The following MRPL22 variants were observed in gnomAD, a reference collection of about 807,000 sequenced individuals.
The protein encoded by MRPL22 is mitochondrial ribosomal protein L22.
In MRPL22, 27 loss-of-function variants were observed where a neutral mutation model predicts 32.4. That is an observed-to-expected ratio of 0.83 (90% CI 0.61 to 1.15). The LOEUF (loss-of-function observed/expected upper bound fraction) is 1.15. Among genes scored for constraint, MRPL22 ranks in the 50% most tolerant of loss-of-function variants. The pLI is 0.00. For missense variants in MRPL22, 239 were observed against 260.2 expected, an observed-to-expected ratio of 0.92 and a Z score of 0.56; for synonymous variants, 86 against 87.3, an observed-to-expected ratio of 0.99 and a Z score of 0.08.
At chr5:154,956,506 C>A in intron 4 of MRPL22, 70 bp downstream of exon 4, 1 of 990,716 alleles carries the variant, frequency 1.0e-6, no homozygotes, top group Non-Finnish European at 1.5e-6. Context: ...CCTCCCCACC[C>A]CTCACCCCAG....
Position 154,957,200 on chromosome 5 carries a change from A to C in MRPL22, c.327A>C (p.Lys109Asn). ...AATTCAATGACAAAAAAGGGGCCAA[A>C]ATAATTAAAGAGGTAAACTTACAAG... ...QLEFNDKKGA[K>N]IIKEVLLEAQ... is the part of the protein sequence containing the mutation. Residue 109 changes from lysine (K) to asparagine (N), a missense_variant, in exon 5 of 7, where the codon AAA (lysine) becomes AAC (asparagine). Lys to Asn is a moderately conservative substitution (Grantham distance 94). Coordinates refer to ENST00000523037, the MANE Select transcript of MRPL22 (RefSeq NM_014180.4). 1 of 1,613,250 alleles carries C rather than the reference A, an allele frequency of 6.2e-7. No homozygotes were observed. Among genetic ancestry groups the C allele is most frequent in the Non-Finnish European group, 8.5e-7 (1 of 1,179,228 alleles).
chr5:154,966,152 A>G (rs977743023), intron 6 of MRPL22, among the ~76,000 whole-genome samples: 3 of 152,106 alleles, frequency 2.0e-5, no homozygotes, highest in Non-Finnish European at 4.4e-5. Flanking sequence ...CTTGCTTACT[A>G]TGCTTCAGCA....
At chr5:154,959,469 A>G (rs1561741930) in intron 5 of MRPL22, among the ~76,000 whole-genome samples, 2 of 152,060 alleles carry the variant, frequency 1.3e-5, no homozygotes, top group African/African-American at 4.8e-5. Flanking sequence ...TCAGCCTTCC[A>G]CATAGCTAGG....
intron 3 of MRPL22, among the ~76,000 whole-genome samples, chr5:154,953,362 GAAAAAAAA>G (rs573134537): frequency 0.091 from 6,362 of 69,668 alleles, 163 homozygotes; most frequent in South Asian, 0.14. Flanking sequence ...CGTCTCAGGA[GAAAAAAAA>G]AAAAAAAAAA....
Position 154,966,736 on chromosome 5 carries a change from G to A in MRPL22, c.460G>A (p.Gly154Ser), listed in dbSNP as rs3749671. The change falls in exon 7 of 7, where the codon GGC becomes AGC. Residue 154 changes from glycine to serine, a missense_variant. By Grantham distance (56) the Gly-to-Ser change is moderately conservative. Transcript: ENST00000523037. ...GQCLKRIRYH[G>S]RGRFGIMEKV... The stretch of plus-strand genomic sequence containing the variant: ...GTGCCTGAAACGCATCCGCTACCAT[G>A]GCAGAGGTCGCTTTGGGATCATGGA... 0.034 allele frequency: 55,644 copies of A among 1,614,112 alleles called. 1,212 individuals are homozygous for A. The highest frequency in any genetic ancestry group is 0.071 in the East Asian group (3,179 of 44,872).
rs988024855 is a variant in MRPL22, at chr5:154,950,829, C to G, written c.86C>G (p.Pro29Arg). ...CTTCTTTCATTTCACAGTGTTTTACCTCAATCATATATCCACACAAGTGCT... is the reference window on the plus strand; with the variant it reads ...CTTCTTTCATTTCACAGTGTTTTACGTCAATCATATATCCACACAAGTGCT... ...SRGKLALGVL[P>R]QSYIHTSASL... Residue 29 changes from proline (P) to arginine (R), a missense_variant, in exon 3 of 7, where the codon CCT becomes CGT. Pro to Arg is a moderately radical substitution (Grantham distance 103). Coordinates refer to ENST00000523037, the MANE Select transcript of MRPL22 (RefSeq NM_014180.4). 1 of 1,605,684 alleles carries G rather than the reference C, an allele frequency of 6.2e-7. No individual in the cohort carries two copies. Among genetic ancestry groups the G allele is most frequent in the Non-Finnish European group, 8.5e-7 (1 of 1,172,708 alleles).
Position 154,956,392 on chromosome 5 carries a change from CAAATA to C in MRPL22, c.223_227del (p.Lys75Ter). 6.2e-7 allele frequency: 1 copy of C among 1,609,582 alleles called. No homozygotes were observed. Among genetic ancestry groups the C allele is most frequent in the Non-Finnish European group, 8.5e-7 (1 of 1,176,968 alleles). Reference sequence around the variant, plus strand: ...TAAGGAAATCTACCACTGTCGAAGACAAATAAAATATAGCAAAGACAAGATGTGGT... The same window carrying C: ...TAAGGAAATCTACCACTGTCGAAGACAAATATAGCAAAGACAAGATGTGGT... On this transcript the variant is annotated frameshift_variant, in exon 4 of 7. Coordinates refer to ENST00000523037, the MANE Select transcript of MRPL22 (RefSeq NM_014180.4). LOFTEE classifies it high-confidence loss of function.
At chr5:154,951,072 A>T in intron 3 of MRPL22, 134 bp downstream of exon 3, 1 of 644,208 alleles carries the variant, frequency 1.6e-6, no homozygotes, top group South Asian at 2.0e-5. Flanking sequence ...GATGTACTAG[A>T]TTTATCTCTT....
intron 6 of MRPL22, among the ~76,000 whole-genome samples, chr5:154,962,848 G>A (rs1764722222): frequency 6.6e-6 from 1 of 152,164 alleles, no homozygotes; most frequent in African/African-American, 2.4e-5. Flanking sequence ...ATGAAGGTGG[G>A]AGCGGAGGGC....
intron 3 of MRPL22, among the ~76,000 whole-genome samples, chr5:154,954,818 G>A (rs1269528879): frequency 6.6e-6 from 1 of 152,092 alleles, no homozygotes; most frequent in Non-Finnish European, 1.5e-5. Context: ...TTGAGACGGA[G>A]TCTCGCTCTG....
chr5:154,965,144 C>T (rs977863036), intron 6 of MRPL22, among the ~76,000 whole-genome samples: 40 of 152,182 alleles, frequency 2.6e-4, no homozygotes, highest in African/African-American at 8.7e-4. Flanking sequence ...AGCTAGGAAG[C>T]TTCTGCTGAA....
rs1014620493 is a variant in MRPL22 at position 154,969,227 on chromosome 5, G to A, written c.*2330G>A. 1 of 152,126 alleles carries A rather than the reference G, an allele frequency of 6.6e-6. No homozygotes were observed. The highest frequency in any genetic ancestry group is 6.5e-5 in the Admixed American group (1 of 15,284). The allele number at this position is 152,126 out of a possible 1,614,324, so 9.4% of individuals were successfully genotyped here. A position where few individuals can be genotyped will look rare whatever the true frequency, so the allele number is the denominator to read the frequency against. Reference sequence around the variant, plus strand: ...TGTACCCCATGCTGTTCTCGTGATAGTGAGTGGGTTCTCATGAGATCTGAT... The same window carrying A: ...TGTACCCCATGCTGTTCTCGTGATAATGAGTGGGTTCTCATGAGATCTGAT... On this transcript the variant is annotated 3_prime_UTR_variant, in exon 7 of 7. Transcript: ENST00000523037.
At chr5:154,952,336 G>A (rs1228300838) in intron 3 of MRPL22, among the ~76,000 whole-genome samples, 1 of 152,070 alleles carries the variant, frequency 6.6e-6, no homozygotes, top group African/African-American at 2.4e-5. Context: ...AATTCAAATA[G>A]TTAGTAGTAT....
intron 3 of MRPL22, among the ~76,000 whole-genome samples, chr5:154,954,703 T>G (rs1764609091): frequency 6.6e-6 from 1 of 152,260 alleles, no homozygotes; most frequent in African/African-American, 2.4e-5. Flanking sequence ...TACCATTGTT[T>G]ATATGTGTAA....
At chr5:154,959,593 C>G (rs984475187) in intron 5 of MRPL22, among the ~76,000 whole-genome samples, 1 of 152,196 alleles carries the variant, frequency 6.6e-6, no homozygotes, top group East Asian at 1.9e-4. Flanking sequence ...GTCTGCCCAT[C>G]CCATCTTGGC....
chr5:154,966,689 A>G lies in MRPL22; in HGVS notation c.413A>G (p.Glu138Gly). The change falls in exon 7 of 7, where the codon GAG becomes GGG. Residue 138 changes from glutamate to glycine, a missense_variant. By Grantham distance (98) the Glu-to-Gly change is moderately conservative (BLOSUM62 -2). Coordinates refer to ENST00000523037, the MANE Select transcript of MRPL22 (RefSeq NM_014180.4). ...VEFRSNLYIA[E>G]STSGRGQCLK... Reference sequence around the variant, plus strand: ...TTCTCTTTTTCTTCCTGTTTAGCTGAGTCCACCTCAGGACGAGGCCAGTGC... The same window carrying G: ...TTCTCTTTTTCTTCCTGTTTAGCTGGGTCCACCTCAGGACGAGGCCAGTGC... 6.2e-7 allele frequency: 1 copy of G among 1,613,704 alleles called. No individual in the cohort carries two copies. The highest frequency in any genetic ancestry group is 8.5e-7 in the Non-Finnish European group (1 of 1,180,026).
At chr5:154,959,544 A>G (rs1381077231) in intron 5 of MRPL22, among the ~76,000 whole-genome samples, 1 of 150,696 alleles carries the variant, frequency 6.6e-6, no homozygotes, top group East Asian at 2.0e-4. Context: ...GGGTTTTGAC[A>G]TGTTTGCCAG....
intron 6 of MRPL22, among the ~76,000 whole-genome samples, chr5:154,960,884 A>G (rs375048191): frequency 1.2e-4 from 19 of 152,318 alleles, no homozygotes; most frequent in African/African-American, 4.3e-4. Flanking sequence ...TGTTGAAGCA[A>G]AGTTTTCTCA....
intron 2 of MRPL22, among the ~76,000 whole-genome samples, chr5:154,943,393 A>G (rs575191152): frequency 6.6e-6 from 1 of 152,090 alleles, no homozygotes. Context: ...ATGAGCCGCC[A>G]GGAAACTTAA....
Sources: gnomAD v4.1 joint callset for allele counts (sites outside exome capture counted in the v4.1 genomes callset) on GRCh38, gnomAD v4.1.1 for gene constraint, MANE v1.5 for transcripts, NCBI Gene and HGNC (gene_info 2026-07-23, HGNC 2026-07-21) for gene names.